The following SULF1 variants were observed in gnomAD, a reference collection of about 807,000 sequenced individuals.
SULF1 encodes the protein extracellular sulfatase Sulf-1.
Under a neutral mutation model 110.5 loss-of-function variants are expected in SULF1, and 46 were observed. The ratio of observed to expected loss-of-function variants is 0.42; its 90% CI spans 0.33 to 0.53. SULF1 has a LOEUF of 0.53. Ranked by LOEUF, SULF1 falls within the 20% of genes least tolerant of loss-of-function variation. The probability of loss-of-function intolerance (pLI) is 0.12; values close to 1 mark genes in which losing one functional copy is unlikely to be tolerated. For missense variants in SULF1, 941 were observed against 1,094.2 expected (o/e 0.86, Z 1.98); for synonymous variants, 371 against 387.1 (o/e 0.96, Z 0.49).
rs1408210144 is a variant in SULF1 at position 69,650,671 on chromosome 8, T to C, written c.2586-7834T>C. Among the ~76,000 whole-genome samples, 3 of 152,208 alleles carry C rather than the reference T, an allele frequency of 2.0e-5. No homozygotes were observed. In the East Asian group the frequency reaches 5.8e-4, roughly 29 times the overall value. On this transcript the variant is annotated intron_variant, in intron 22 of 22. Coordinates refer to ENST00000402687, the MANE Select transcript of SULF1 (RefSeq NM_001128205.2). ...GTATTTATTTCTATCAGTATGGACT[T>C]AGATTCTCAGTTTATTCCATGGATA... is the stretch of plus-strand genomic sequence containing the variant.
At chr8:69,587,400 A>C (rs984881515) in intron 7 of SULF1, among the ~76,000 whole-genome samples, 1 of 152,188 alleles carries the variant, frequency 6.6e-6, no homozygotes, top group African/African-American at 2.4e-5. Context: ...TGCTGTCTTT[A>C]TGCTTGGCCT....
At chr8:69,555,331 C>A (rs914938402) in intron 3 of SULF1, among the ~76,000 whole-genome samples, 1 of 152,094 alleles carries the variant, frequency 6.6e-6, no homozygotes, top group African/African-American at 2.4e-5. Context: ...AGTTAGAGAG[C>A]ATTATATTGG....
chr8:69,657,613 G>A (rs962234151), intron 22 of SULF1, among the ~76,000 whole-genome samples: 7 of 152,094 alleles, frequency 4.6e-5, no homozygotes, highest in African/African-American at 1.2e-4. Context: ...TGGTGTCAAC[G>A]TTTTTTATCT....
intron 13 of SULF1, among the ~76,000 whole-genome samples, chr8:69,619,018 G>A (rs762016110): frequency 6.6e-6 from 1 of 152,122 alleles, no homozygotes; most frequent in African/African-American, 2.4e-5. Context: ...TAAGAGGGAG[G>A]TATGAGATCC....
intron 3 of SULF1, among the ~76,000 whole-genome samples, chr8:69,554,990 A>C (rs1217274077): frequency 2.8e-4 from 25 of 87,770 alleles, no homozygotes; most frequent in Admixed American, 9.2e-4. Flanking sequence ...AAAAAAAAAA[A>C]AAAAAAAACA....
intron 3 of SULF1, among the ~76,000 whole-genome samples, chr8:69,554,843 G>A (rs1007155339): frequency 3.3e-5 from 5 of 151,794 alleles, no homozygotes; most frequent in African/African-American, 9.7e-5. Context: ...GCCAGGCGTG[G>A]TGGCAGGCGC....
intron 3 of SULF1, among the ~76,000 whole-genome samples, chr8:69,557,423 C>T (rs1435133313): frequency 6.6e-6 from 1 of 152,164 alleles, no homozygotes; most frequent in Non-Finnish European, 1.5e-5. Context: ...TTTATGCATT[C>T]TCTAAAATGC....
rs116091429 is a variant in SULF1 at position 69,654,999 on chromosome 8, C to T, written c.2586-3506C>T. Among the ~76,000 whole-genome samples, 710 of 152,262 alleles carry T rather than the reference C, an allele frequency of 4.7e-3. 7 individuals carry two copies. Among genetic ancestry groups the T allele is most frequent in the Middle Eastern group, 0.02 (6 of 294 alleles). ...TGGTCCAAATTAGTACAGTATTTTC[C>T]GTTCCTATCCTGTAATAATATTTTA... On this transcript the variant is annotated intron_variant, in intron 22 of 22. Transcript: ENST00000402687.
At chr8:69,535,779 C>T (rs1813392042) in intron 3 of SULF1, among the ~76,000 whole-genome samples, 1 of 152,136 alleles carries the variant, frequency 6.6e-6, no homozygotes, top group African/African-American at 2.4e-5. Context: ...CGCCTGTAAT[C>T]CCAGCACTTT....
chr8:69,515,878 C>T (rs968065969), intron 3 of SULF1, among the ~76,000 whole-genome samples: 9 of 152,218 alleles, frequency 5.9e-5, no homozygotes, highest in Admixed American at 5.9e-4. Context: ...TTTGCTAAAG[C>T]ATAGCAAGAG....
intron 22 of SULF1, among the ~76,000 whole-genome samples, chr8:69,650,179 T>C (rs553777460): frequency 6.6e-6 from 1 of 151,770 alleles, no homozygotes; most frequent in East Asian, 1.9e-4. Context: ...AAAATTTATT[T>C]TGTAGAGACA....
intron 1 of SULF1, chr8:69,469,522 G>T (rs1027011786): frequency 6.6e-6 from 1 of 152,172 alleles, no homozygotes; most frequent in African/African-American, 2.4e-5. Context: ...TCCATGGTAG[G>T]TTATGAGTAG....
At chr8:69,623,325 G>T (rs1390125879) in intron 14 of SULF1, among the ~76,000 whole-genome samples, 1 of 152,306 alleles carries the variant, frequency 6.6e-6, no homozygotes, top group East Asian at 1.9e-4. Context: ...AGTCTCAGAA[G>T]ATTATAGTCC....
chr8:69,590,908 T>A (rs1176807258), intron 8 of SULF1, among the ~76,000 whole-genome samples: 1 of 152,170 alleles, frequency 6.6e-6, no homozygotes, highest in African/African-American at 2.4e-5. Flanking sequence ...AAGGAAAAAG[T>A]CCTGCGGGCT....
At chr8:69,491,912 T>C (rs1809959253), upstream of SULF1, among the ~76,000 whole-genome samples, 3 of 151,862 alleles carry the variant, frequency 2.0e-5, no homozygotes, top group African/African-American at 7.3e-5. Context: ...GGAAGGCTTT[T>C]GTGGGGGAGG....
rs113147769 is a variant in SULF1, at chr8:69,467,126, C to T, written c.-391+176C>T. 2.5e-3 allele frequency: 374 copies of T among 152,264 alleles called. 2 individuals carry two copies. The highest frequency in any genetic ancestry group is 8.7e-3 in the African/African-American group (362 of 41,552). 9.4% of individuals were successfully genotyped at this position (152,264 alleles called of 1,614,324 possible). ...TTGATGCTTGGCTGTCTTTGTAGAA[C>T]TAACACTCCTCATGCCTTGCTTTTG... On this transcript the variant is annotated intron_variant, in intron 1 of 22. Transcript: ENST00000260128.
rs367601968 is a variant in SULF1 at position 69,544,265 on chromosome 8, GT to G, written c.-133-19267del. 9.6e-3 allele frequency among the ~76,000 whole-genome samples: 1,414 copies of G among 147,084 alleles called. 16 individuals are homozygous for G. Among genetic ancestry groups the G allele is most frequent in the African/African-American group, 0.035 (1,290 of 37,322 alleles). On this transcript the variant is annotated intron_variant, in intron 3 of 22. Transcript: ENST00000402687. ...ACAAAACAAATGTTTTTTTTTGTTT[GT>G]TTTTTTGTTTGTTTTTTTTTGAGAT... is the stretch of plus-strand genomic sequence containing the variant.
At chr8:69,490,251 C>T (rs561509486), upstream of SULF1, among the ~76,000 whole-genome samples, 17 of 151,844 alleles carry the variant, frequency 1.1e-4, 1 homozygote, top group Admixed American at 5.9e-4. Flanking sequence ...TACAGGTATG[C>T]GCCACCACAC....
intron 21 of SULF1, 83 bp downstream of exon 21, chr8:69,638,941 T>A: frequency 7.5e-7 from 1 of 1,334,530 alleles, no homozygotes; most frequent in East Asian, 2.5e-5. Context: ...AACATTTAAT[T>A]GCACAGAAAC....
Sources: gnomAD v4.1 joint callset for allele counts (sites outside exome capture counted in the v4.1 genomes callset) on GRCh38, gnomAD v4.1.1 for gene constraint, MANE v1.5 for transcripts, NCBI Gene and HGNC (gene_info 2026-07-23, HGNC 2026-07-21) for gene names.